Variants in DNAJA3 observed in about 807,000 individuals in gnomAD.
DNAJA3 encodes the protein dnaJ homolog subfamily A member 3, mitochondrial.
A neutral mutation model predicts 54.9 loss-of-function variants in DNAJA3; 29 were observed. That is an observed-to-expected ratio of 0.53 (90% CI 0.39 to 0.72). The LOEUF (loss-of-function observed/expected upper bound fraction) is 0.72. Ranked by LOEUF, DNAJA3 falls within the 30% of genes least tolerant of loss-of-function variation. The pLI, the probability that DNAJA3 is intolerant of heterozygous loss-of-function variation, is 0.00. For missense variants in DNAJA3, 708 were observed against 639.4 expected (o/e 1.11, Z -1.16); for synonymous variants, 302 against 251.4 (o/e 1.20, Z -1.90).
At position 4,442,341 on chromosome 16, in the gene DNAJA3, C is replaced by T. The variant is rs774542594; in HGVS notation, c.704C>T (p.Thr235Met). The T allele has an allele frequency of 1.9e-5, 31 of 1,610,082 alleles. No homozygotes were observed. Among genetic ancestry groups the T allele is most frequent in the African/African-American group, 5.3e-5 (4 of 74,772 alleles). Residue 235 changes from threonine to methionine, a missense_variant, in exon 5 of 12, where the codon ACG (threonine) becomes ATG (methionine). Physicochemically the swap from Thr to Met is moderately conservative, Grantham distance 81. Transcript: ENST00000262375. Reference sequence around the variant, plus strand: ...GAGTTCACCGTGAACATCATGGACACGTGTGAGCGCTGCAACGGCAAGGGG... The same window carrying T: ...GAGTTCACCGTGAACATCATGGACATGTGTGAGCGCTGCAACGGCAAGGGG... ...NKEFTVNIMD[T>M]CERCNGKGNE... is the part of the protein sequence containing the mutation.
intron 8 of DNAJA3, chr16:4,447,478 G>C (rs1282368804): frequency 6.4e-6 from 1 of 155,768 alleles, no homozygotes; most frequent in African/African-American, 2.4e-5. Context: ...ATCATTCTCT[G>C]TATTCGCCTC....
chr16:4,444,522 G>T, intron 6 of DNAJA3, 142 bp from the exon 7 acceptor site: 1 of 627,508 alleles, frequency 1.6e-6, no homozygotes, highest in South Asian at 1.8e-5. Context: ...TTTTAGTAGA[G>T]ACCAGGTTTC....
Position 4,436,516 on chromosome 16 carries a change from A to G in DNAJA3, c.346-886A>G, listed in dbSNP as rs548683328. ...AAACAGCAGAGACGTCTATTTATTC[A>G]GTCATTTTCTTCCCTTTTTAAAAAT... On this transcript the variant is annotated intron_variant, in intron 2 of 11. Transcript: ENST00000262375. 9.8e-5 allele frequency among the ~76,000 whole-genome samples: 15 copies of G among 152,328 alleles called. No homozygotes were observed. The East Asian group carries it at 2.5e-3, about 25-fold the overall frequency.
In DNAJA3 at chr16:4,437,129, CCTGA is replaced by C. The variant is rs1472158768; in HGVS notation, c.346-270_346-267del. Among the ~76,000 whole-genome samples, 3 of 152,238 alleles carry C rather than the reference CCTGA, an allele frequency of 2.0e-5. No individual in the cohort carries two copies. In the East Asian group the frequency reaches 5.8e-4, roughly 29 times the overall value. Reference sequence around the variant, plus strand: ...GGGACCACAGGCATGTGCCACCACGCCTGACTAATTTTTTCTATTTTTGGTGGAG... The same window carrying C: ...GGGACCACAGGCATGTGCCACCACGCCTAATTTTTTCTATTTTTGGTGGAG... On this transcript the variant is annotated intron_variant, in intron 2 of 11. Coordinates refer to ENST00000262375, the MANE Select transcript of DNAJA3 (RefSeq NM_005147.6).
intron 2 of DNAJA3, among the ~76,000 whole-genome samples, chr16:4,435,545 G>A (rs2056763518): frequency 1.3e-5 from 2 of 152,078 alleles, no homozygotes; most frequent in African/African-American, 4.8e-5. Context: ...CTTTGGATTT[G>A]CCTATTCTCA....
At chr16:4,427,111 T>C (rs2056634033) in intron 1 of DNAJA3, 2 of 152,124 alleles carry the variant, frequency 1.3e-5, no homozygotes, top group Non-Finnish European at 2.9e-5. Flanking sequence ...AGAGACGGGA[T>C]TTCGCCATGT....
chr16:4,434,712 A>G (rs183024665), intron 2 of DNAJA3, among the ~76,000 whole-genome samples, 195 bp downstream of exon 2: 13 of 152,246 alleles, frequency 8.5e-5, no homozygotes, highest in African/African-American at 2.9e-4. Flanking sequence ...TGCTTCAGAA[A>G]AAAGAGGTGA....
At chr16:4,449,139 G>C (rs2056944823) in intron 9 of DNAJA3, among the ~76,000 whole-genome samples, 1 of 151,944 alleles carries the variant, frequency 6.6e-6, no homozygotes, top group African/African-American at 2.4e-5. Flanking sequence ...TGGGATTACA[G>C]GTGCCTGCCA....
At chr16:4,441,237 A>G in intron 3 of DNAJA3, 138 bp from the exon 4 acceptor site, 1 of 751,942 alleles carries the variant, frequency 1.3e-6, no homozygotes, top group Non-Finnish European at 2.2e-6. Context: ...TCACAGGCCC[A>G]CCCCAACCTC....
intron 2 of DNAJA3, among the ~76,000 whole-genome samples, chr16:4,436,232 G>A (rs1414434637): frequency 6.6e-6 from 1 of 152,134 alleles, no homozygotes; most frequent in Non-Finnish European, 1.5e-5. Context: ...CAGAGATCCT[G>A]GCCTGTGAAG....
chr16:4,433,724 A>AG (rs765515032), intron 1 of DNAJA3: 1 of 152,338 alleles, frequency 6.6e-6, no homozygotes, highest in East Asian at 1.9e-4. Context: ...GTGGCATAAG[A>AG]GGGGGGAGCT....
rs562164705 is a variant in DNAJA3, at chr16:4,432,275, A to G, written c.212-2109A>G. Among the ~76,000 whole-genome samples the G allele has an allele frequency of 3.3e-5, 5 of 149,532 alleles. No individual in the cohort carries two copies. The East Asian group carries it at 9.9e-4, about 30-fold the overall frequency. On this transcript the variant is annotated intron_variant, in intron 1 of 11. Transcript: ENST00000262375. ...TGGGCTCAAGCGATCCTCACGCCTC[A>G]GGTTCCCAAAGTGCTGGGATTACAG...
intron 11 of DNAJA3, 128 bp downstream of exon 11, chr16:4,455,055 G>A: frequency 3.0e-6 from 2 of 676,830 alleles, no homozygotes; most frequent in African/African-American, 1.8e-5. Context: ...CCAAGGTGTG[G>A]TAAACCTAGC....
chr16:4,455,698 C>G lies in DNAJA3; in HGVS notation c.*166C>G. ...GCAACAGCAAAATCATGGGACAACA[C>G]CTCTCTCCACGGAAAGGTCACAGTG... On this transcript the variant is annotated 3_prime_UTR_variant, in exon 12 of 12. Transcript: ENST00000262375. 4.8e-6 allele frequency: 5 copies of G among 1,035,406 alleles called. No individual in the cohort carries two copies. Among genetic ancestry groups the G allele is most frequent in the Non-Finnish European group, 7.2e-6 (5 of 689,806 alleles). The allele number at this position is 1,035,406 out of a possible 1,614,324, so 64.1% of individuals were successfully genotyped here. A position where few individuals can be genotyped will look rare whatever the true frequency, so the allele number is the denominator to read the frequency against.
At chr16:4,453,061 AT>A (rs1435280613) in intron 10 of DNAJA3, among the ~76,000 whole-genome samples, 1 of 152,120 alleles carries the variant, frequency 6.6e-6, no homozygotes, top group East Asian at 1.9e-4. Context: ...AGTGGGATTT[AT>A]TTATTTATTT....
At chr16:4,438,062 AT>A (rs2056793233) in intron 3 of DNAJA3, among the ~76,000 whole-genome samples, 1 of 152,136 alleles carries the variant, frequency 6.6e-6, no homozygotes, top group Non-Finnish European at 1.5e-5. Flanking sequence ...CATGCCTGTA[AT>A]CCCAACACTT....
chr16:4,429,176 C>T lies in DNAJA3; in HGVS notation c.211+3084C>T, dbSNP rs139045200. On this transcript the variant is annotated intron_variant, in intron 1 of 11. Transcript: ENST00000262375. ...TGCTGGGATTACAGGTGTGAGCCAC[C>T]GCGCCCGGCCAAGATTTTTTTTGTT... Among the ~76,000 whole-genome samples the T allele has an allele frequency of 3.6e-3, 547 of 151,748 alleles. 7 individuals carry two copies. Among genetic ancestry groups the T allele is most frequent in the African/African-American group, 0.013 (521 of 41,394 alleles).
At position 4,435,141 on chromosome 16, in the gene DNAJA3, C is replaced by G. The variant is rs187838385; in HGVS notation, c.345+624C>G. On this transcript the variant is annotated intron_variant, in intron 2 of 11. Transcript: ENST00000262375. ...TCTTAAACTCCTGACCTCAGGTGAT[C>G]CACCTGCCTCAGCCTCCCAAAGTGC... is the stretch of plus-strand genomic sequence containing the variant. Among the ~76,000 whole-genome samples the G allele has an allele frequency of 2.0e-5, 3 of 152,100 alleles. No individual in the cohort carries two copies. In the East Asian group the frequency reaches 5.8e-4, roughly 29 times the overall value.
chr16:4,436,957 A>T (rs2056778714), intron 2 of DNAJA3, among the ~76,000 whole-genome samples: 1 of 152,062 alleles, frequency 6.6e-6, no homozygotes, highest in African/African-American at 2.4e-5. Flanking sequence ...GGATACATTA[A>T]AACAGATCAT....
Sources: allele counts gnomAD v4.1 joint callset (sites outside exome capture counted in the v4.1 genomes callset), GRCh38; gene constraint gnomAD v4.1.1; transcripts MANE v1.5; gene names NCBI Gene and HGNC (gene_info 2026-07-23, HGNC 2026-07-21).